KLF6: variants seen among roughly 807,000 people sequenced by gnomAD.
The protein encoded by KLF6 is KLF transcription factor 6.
For missense variants in KLF6, 233 were observed against 359.8 expected (o/e 0.65, Z 2.85); for synonymous variants, 152 against 147.9 (o/e 1.03, Z -0.20).
intron 1 of KLF6, among the ~76,000 whole-genome samples, chr10:3,784,603 A>C (rs1032468288): frequency 1.3e-5 from 2 of 151,230 alleles, no homozygotes; most frequent in Non-Finnish European, 3.0e-5. Flanking sequence ...CAAACAAACA[A>C]AAAAAAAACA....
Position 3,781,807 on chromosome 10 carries a change from G to A in KLF6, c.510C>T (p.Pro170=), listed in dbSNP as rs1062673. The change falls in exon 2 of 4, where the codon CCC becomes CCT. Residue 170 remains proline, a synonymous_variant. Coordinates refer to ENST00000497571, the MANE Select transcript of KLF6 (RefSeq NM_001300.6). This position sits in a 1 kb window ranked among gnomAD's most constrained non-coding sequence, Gnocchi z 5.8. Reference sequence around the variant, plus strand: ...TCCCGCTGCGCACCTTCCCTGGCGAGGGCAGCTCCCCGGGCACGCAACCCC... The same window carrying A: ...TCCCGCTGCGCACCTTCCCTGGCGAAGGCAGCTCCCCGGGCACGCAACCCC... ...QLWGCVPGEL[P]SPGKVRSGTS... 6.2e-7 allele frequency: 1 copy of A among 1,614,232 alleles called. No homozygotes were observed. Among genetic ancestry groups the A allele is most frequent in the Non-Finnish European group, 8.5e-7 (1 of 1,180,044 alleles).
Position 3,776,718 on chromosome 10 carries a change from A to G in KLF6, c.*2821T>C, listed in dbSNP as rs1832385799. ...GGGTGCTTCCAAAAAAAAAAAAAAA[A>G]GAAATTTCACTAATAGAAATTTTTT... On this transcript the variant is annotated 3_prime_UTR_variant, in exon 4 of 4. Transcript: ENST00000497571. 2.1e-6 allele frequency: 1 copy of G among 466,536 alleles called. No individual in the cohort carries two copies. The highest frequency in any genetic ancestry group is 4.5e-5 in the East Asian group (1 of 22,120). The allele number at this position is 466,536 out of a possible 1,614,324, so 28.9% of individuals were successfully genotyped here.
At chr10:3,784,673 G>T (rs1588346188) in intron 1 of KLF6, among the ~76,000 whole-genome samples, 2 of 152,330 alleles carry the variant, frequency 1.3e-5, no homozygotes, top group East Asian at 3.9e-4. Flanking sequence ...GTCTGGAGCG[G>T]GGACAGGCTC....
chr10:3,784,601 C>A lies in KLF6; in HGVS notation c.102+312G>T, dbSNP rs867026849. Among the ~76,000 whole-genome samples, 403 of 148,458 alleles carry A rather than the reference C, an allele frequency of 2.7e-3. 2 individuals are homozygous for A. The highest frequency in any genetic ancestry group is 5.6e-3 in the African/African-American group (226 of 40,452). On this transcript the variant is annotated intron_variant, in intron 1 of 3. Transcript: ENST00000497571. ...AAAAAAACAACAAAAAACAAACAAA[C>A]AAAAAAAAAACACCTTGGCAGGCAG...
In KLF6 at chr10:3,777,327, T is replaced by G; in HGVS notation, c.*2212A>C. On this transcript the variant is annotated 3_prime_UTR_variant, in exon 4 of 4. Coordinates refer to ENST00000497571, the MANE Select transcript of KLF6 (RefSeq NM_001300.6). ...CGGGGAAATTACTCCTTGGAAAAACTGGAAGAATCTACTTGCTGGAAAAAA... is the reference window on the plus strand; with the variant it reads ...CGGGGAAATTACTCCTTGGAAAAACGGGAAGAATCTACTTGCTGGAAAAAA... 1 of 513,414 alleles carries G rather than the reference T, an allele frequency of 1.9e-6. No homozygotes were observed. Among genetic ancestry groups the G allele is most frequent in the Non-Finnish European group, 3.8e-6 (1 of 262,784 alleles). The allele number at this position is 513,414 out of a possible 1,614,324, so 31.8% of individuals were successfully genotyped here.
rs1282000406 is a variant in KLF6 at position 3,779,091 on chromosome 10, C to G, written c.*448G>C. 1.9e-6 allele frequency: 1 copy of G among 536,238 alleles called. No homozygotes were observed. Among genetic ancestry groups the G allele is most frequent in the Non-Finnish European group, 3.6e-6 (1 of 277,458 alleles). 33.2% of individuals were successfully genotyped at this position (536,238 alleles called of 1,614,324 possible). A position where few individuals can be genotyped will look rare whatever the true frequency, so the allele number is the denominator to read the frequency against. On this transcript the variant is annotated 3_prime_UTR_variant, in exon 4 of 4. Transcript: ENST00000497571. ...CTAAGGTGCAGACACCCCCTCCCCC[C>G]AAGGAAATGATTGGTGGTCATCTCA...
In KLF6 at chr10:3,782,255, C is replaced by T. The variant is rs755282490; in HGVS notation, c.103-41G>A. On this transcript the variant is annotated intron_variant, in intron 1 of 3. Coordinates refer to ENST00000497571, the MANE Select transcript of KLF6 (RefSeq NM_001300.6). The surrounding 1 kb of genome is among the most constrained non-coding windows in gnomAD (Gnocchi z 4.3). Reference sequence around the variant, plus strand: ...CAGAGAAGGCACGTGATTGCCATGACGACCAAAAGTAAAAGCAAAAGCAAT... The same window carrying T: ...CAGAGAAGGCACGTGATTGCCATGATGACCAAAAGTAAAAGCAAAAGCAAT... 2.0e-5 allele frequency: 31 copies of T among 1,538,356 alleles called. No individual in the cohort carries two copies. In the African/African-American group the frequency reaches 2.4e-4, roughly 12 times the overall value.
rs550353549 is a variant in KLF6, at chr10:3,780,288, G to A, written c.677-59C>T. ...CTTCACTGACCCGCAGACGGAAAGG[G>A]GAAATTCAACAACACACACAGTGGT... On this transcript the variant is annotated intron_variant, in intron 2 of 3. Transcript: ENST00000497571. This position sits in a 1 kb window ranked among gnomAD's most constrained non-coding sequence, Gnocchi z 4.6. The A allele has an allele frequency of 4.8e-4, 764 of 1,604,614 alleles. No homozygotes were observed. The highest frequency in any genetic ancestry group is 6.2e-4 in the Non-Finnish European group (735 of 1,177,932).
chr10:3,779,333 G>A lies in KLF6; in HGVS notation c.*206C>T. On this transcript the variant is annotated 3_prime_UTR_variant, in exon 4 of 4. Coordinates refer to ENST00000497571, the MANE Select transcript of KLF6 (RefSeq NM_001300.6). Reference sequence around the variant, plus strand: ...GGGCGGGTACCAGTGGCGAGTCCAGGGTCACCCACATACCATGCACCACGG... The same window carrying A: ...GGGCGGGTACCAGTGGCGAGTCCAGAGTCACCCACATACCATGCACCACGG... 1.5e-6 allele frequency: 1 copy of A among 678,124 alleles called. No individual in the cohort carries two copies. The highest frequency in any genetic ancestry group is 2.7e-6 in the Non-Finnish European group (1 of 370,640). The allele number at this position is 678,124 out of a possible 1,614,324, so 42.0% of individuals were successfully genotyped here.
Position 3,779,236 on chromosome 10 carries a change from A to C in KLF6, c.*303T>G, listed in dbSNP as rs767047652. 8.5e-6 allele frequency: 5 copies of C among 585,116 alleles called. No homozygotes were observed. The highest frequency in any genetic ancestry group is 6.1e-5 in the South Asian group (4 of 65,622). 36.2% of individuals were successfully genotyped at this position (585,116 alleles called of 1,614,324 possible). On this transcript the variant is annotated 3_prime_UTR_variant, in exon 4 of 4. Coordinates refer to ENST00000497571, the MANE Select transcript of KLF6 (RefSeq NM_001300.6). ...TCATACGGTCAGTAATAGATCCTCAACATACAATCAACCCAACCATTAGCA... is the reference window on the plus strand; with the variant it reads ...TCATACGGTCAGTAATAGATCCTCACCATACAATCAACCCAACCATTAGCA...
Position 3,780,939 on chromosome 10 carries a change from T to C in KLF6, c.676+702A>G. On this transcript the variant is annotated intron_variant, in intron 2 of 3. Transcript: ENST00000497571. This position sits in a 1 kb window ranked among gnomAD's most constrained non-coding sequence, Gnocchi z 4.6. Reference sequence around the variant, plus strand: ...CTGGGACTGACTCTCAGCAATTTGCTCTCCTACTGATAAGAGAAGAGCCTG... The same window carrying C: ...CTGGGACTGACTCTCAGCAATTTGCCCTCCTACTGATAAGAGAAGAGCCTG... The C allele has an allele frequency of 6.8e-6, 1 of 147,194 alleles. No individual in the cohort carries two copies. Among genetic ancestry groups the C allele is most frequent in the Non-Finnish European group, 1.5e-5 (1 of 64,904 alleles). 9.1% of individuals were successfully genotyped at this position (147,194 alleles called of 1,614,324 possible). A position where few individuals can be genotyped will look rare whatever the true frequency, so the allele number is the denominator to read the frequency against.
At chr10:3,784,559 AAAAC>A (rs1328094390) in intron 1 of KLF6, among the ~76,000 whole-genome samples, 6 of 152,092 alleles carry the variant, frequency 3.9e-5, no homozygotes, top group East Asian at 1.9e-4. Context: ...AAACAAAACA[AAAAC>A]AAAATCCGTT....
chr10:3,776,305 CG>C lies in KLF6; in HGVS notation c.*3233del, dbSNP rs758845863. ...CATGGTTCCCTACTGTGCCCACAGC[CG>C]GGGGGTTGTTTTTGTCAGTCCTTGG... On this transcript the variant is annotated 3_prime_UTR_variant, in exon 4 of 4. Coordinates refer to ENST00000497571, the MANE Select transcript of KLF6 (RefSeq NM_001300.6). 1.9e-5 allele frequency: 10 copies of C among 532,618 alleles called. No individual in the cohort carries two copies. Among genetic ancestry groups the C allele is most frequent in the South Asian group, 1.4e-4 (9 of 65,160 alleles). 33.0% of individuals were successfully genotyped at this position (532,618 alleles called of 1,614,324 possible).
rs1422969532 is a variant in KLF6, at chr10:3,780,860, TG to T, written c.677-632del. On this transcript the variant is annotated intron_variant, in intron 2 of 3. Coordinates refer to ENST00000497571, the MANE Select transcript of KLF6 (RefSeq NM_001300.6). This position sits in a 1 kb window ranked among gnomAD's most constrained non-coding sequence, Gnocchi z 4.6. ...ATCTCAGGGTATGTTGAGACAGGCCTGGGCCTGGATATTGGGCCACCCGGAT... is the reference window on the plus strand; with the variant it reads ...ATCTCAGGGTATGTTGAGACAGGCCTGGCCTGGATATTGGGCCACCCGGAT... 5.8e-6 allele frequency: 1 copy of T among 172,674 alleles called. No homozygotes were observed. Among genetic ancestry groups the T allele is most frequent in the African/African-American group, 2.4e-5 (1 of 41,894 alleles). The allele number at this position is 172,674 out of a possible 1,614,324, so 10.7% of individuals were successfully genotyped here. A position where few individuals can be genotyped will look rare whatever the true frequency, so the allele number is the denominator to read the frequency against.
Position 3,780,300 on chromosome 10 carries a change from A to C in KLF6, c.677-71T>G. On this transcript the variant is annotated intron_variant, in intron 2 of 3. Coordinates refer to ENST00000497571, the MANE Select transcript of KLF6 (RefSeq NM_001300.6). This position sits in a 1 kb window ranked among gnomAD's most constrained non-coding sequence, Gnocchi z 4.6. Reference sequence around the variant, plus strand: ...GCAGACGGAAAGGGGAAATTCAACAACACACACAGTGGTGGGATGCAAGGC... The same window carrying C: ...GCAGACGGAAAGGGGAAATTCAACACCACACACAGTGGTGGGATGCAAGGC... 1 of 1,585,844 alleles carries C rather than the reference A, an allele frequency of 6.3e-7. No homozygotes were observed. The highest frequency in any genetic ancestry group is 8.6e-7 in the Non-Finnish European group (1 of 1,162,952).
chr10:3,776,550 A>T lies in KLF6; in HGVS notation c.*2989T>A, dbSNP rs1445875773. The T allele has an allele frequency of 1.9e-6, 1 of 527,236 alleles. No homozygotes were observed. Among genetic ancestry groups the T allele is most frequent in the Non-Finnish European group, 3.7e-6 (1 of 272,044 alleles). 32.7% of individuals were successfully genotyped at this position (527,236 alleles called of 1,614,324 possible). Reference sequence around the variant, plus strand: ...CCCCCAAAAAAAACAACCAGACTCAAGATGCTGATAAGAATTCTTTTATGT... The same window carrying T: ...CCCCCAAAAAAAACAACCAGACTCATGATGCTGATAAGAATTCTTTTATGT... On this transcript the variant is annotated 3_prime_UTR_variant, in exon 4 of 4. Transcript: ENST00000497571.
In KLF6 at chr10:3,784,940, C is replaced by T; in HGVS notation, c.75G>A (p.Leu25=). ...IVHETGYFSA[L]PSLEEYWQQT... ...GTTGCCAGTACTCCTCCAGAGACGG[C>T]AGCGCCGAGAAGTAGCCGGTCTCGT... The change falls in exon 1 of 4, where the codon CTG becomes CTA. Residue 25 remains leucine (L), a synonymous_variant. Coordinates refer to ENST00000497571, the MANE Select transcript of KLF6 (RefSeq NM_001300.6). 2 of 1,605,160 alleles carry T rather than the reference C, an allele frequency of 1.2e-6. No individual in the cohort carries two copies. Among genetic ancestry groups the T allele is most frequent in the Non-Finnish European group, 1.7e-6 (2 of 1,174,742 alleles).
rs1008913326 is a variant in KLF6 at position 3,778,650 on chromosome 10, C to G, written c.*889G>C. 1 of 517,304 alleles carries G rather than the reference C, an allele frequency of 1.9e-6. No homozygotes were observed. The highest frequency in any genetic ancestry group is 3.8e-6 in the Non-Finnish European group (1 of 266,160). 32.0% of individuals were successfully genotyped at this position (517,304 alleles called of 1,614,324 possible). A position where few individuals can be genotyped will look rare whatever the true frequency, so the allele number is the denominator to read the frequency against. ...AAAAAAAATTGTATATTGCCAGGCCCGGATGGCTAGGGGGTCACTGTATTA... is the reference window on the plus strand; with the variant it reads ...AAAAAAAATTGTATATTGCCAGGCCGGGATGGCTAGGGGGTCACTGTATTA... On this transcript the variant is annotated 3_prime_UTR_variant, in exon 4 of 4. Coordinates refer to ENST00000497571, the MANE Select transcript of KLF6 (RefSeq NM_001300.6).
In KLF6 at chr10:3,778,488, C is replaced by A; in HGVS notation, c.*1051G>T. 1 of 524,922 alleles carries A rather than the reference C, an allele frequency of 1.9e-6. No homozygotes were observed. The highest frequency in any genetic ancestry group is 1.5e-5 in the South Asian group (1 of 65,114). 32.5% of individuals were successfully genotyped at this position (524,922 alleles called of 1,614,324 possible). A position where few individuals can be genotyped will look rare whatever the true frequency, so the allele number is the denominator to read the frequency against. On this transcript the variant is annotated 3_prime_UTR_variant, in exon 4 of 4. Transcript: ENST00000497571. The stretch of plus-strand genomic sequence containing the variant: ...GCAATTCCCAGCCCCAGCTTTGTGA[C>A]ACTCAATACGTGTCCAATTTCTTCT...
Sources: allele counts gnomAD v4.1 joint callset (sites outside exome capture counted in the v4.1 genomes callset), GRCh38; gene constraint gnomAD v4.1.1; non-coding constraint Gnocchi (gnomAD v3.1); transcripts MANE v1.5; gene names NCBI Gene and HGNC (gene_info 2026-07-23, HGNC 2026-07-21).